The following NOVA1 variants were observed in gnomAD, a reference collection of about 807,000 sequenced individuals.
NOVA1 encodes the protein NOVA alternative splicing regulator 1, also known as RNA-binding protein Nova-1.
NOVA1 carries 7 observed loss-of-function variants against 38.0 expected under a neutral mutation model. That is an observed-to-expected ratio of 0.18 (90% CI 0.10 to 0.35). NOVA1 has a LOEUF of 0.35. Ranked by LOEUF, NOVA1 falls within the 10% of genes least tolerant of loss-of-function variation. The pLI is 1.00. For missense variants in NOVA1, 460 were observed against 616.0 expected (o/e 0.75, Z 2.68); for synonymous variants, 270 against 232.5 (o/e 1.16, Z -1.47).
At chr14:26,532,514 G>A (rs1889789843) in intron 2 of NOVA1, among the ~76,000 whole-genome samples, 1 of 152,156 alleles carries the variant, frequency 6.6e-6, no homozygotes, top group Non-Finnish European at 1.5e-5. Flanking sequence ...GATTGCCTAT[G>A]GCAGGAGGGG....
intron 2 of NOVA1, among the ~76,000 whole-genome samples, chr14:26,529,618 G>A (rs1889556697): frequency 6.6e-6 from 1 of 152,180 alleles, no homozygotes; most frequent in South Asian, 2.1e-4. Context: ...TGATCCTCTG[G>A]AAAATGAGAG....
intron 2 of NOVA1, among the ~76,000 whole-genome samples, chr14:26,579,999 A>C (rs1054329619): frequency 1.3e-5 from 2 of 152,086 alleles, no homozygotes; most frequent in Non-Finnish European, 2.9e-5. Flanking sequence ...GGTTCAAGCA[A>C]TTCTACCATC....
chr14:26,453,208 G>GTATGTATTTATT (rs796387130), intron 4 of NOVA1, among the ~76,000 whole-genome samples: 1,485 of 125,426 alleles, frequency 0.012, 6 homozygotes, highest in African/African-American at 0.013. Flanking sequence ...ATGTATGTAT[G>GTATGTATTTATT]TATTTATTTA....
chr14:26,535,911 A>G (rs1413725209), intron 2 of NOVA1, among the ~76,000 whole-genome samples: 2 of 151,600 alleles, frequency 1.3e-5, no homozygotes, highest in African/African-American at 4.9e-5. Context: ...CCTGGGAGGC[A>G]GAGCTTGCAG....
At chr14:26,496,396 C>A (rs1224678609) in intron 2 of NOVA1, among the ~76,000 whole-genome samples, 5 of 152,074 alleles carry the variant, frequency 3.3e-5, no homozygotes, top group Non-Finnish European at 7.3e-5. Context: ...GATATTAGCC[C>A]TTTGTCAGAT....
At chr14:26,595,145 T>A (rs1303846576) in intron 2 of NOVA1, among the ~76,000 whole-genome samples, 2 of 152,160 alleles carry the variant, frequency 1.3e-5, no homozygotes, top group African/African-American at 4.8e-5. Flanking sequence ...TTTTTGAGTT[T>A]TTTTGCTAAT....
intron 4 of NOVA1, among the ~76,000 whole-genome samples, chr14:26,455,549 G>C (rs1883096219): frequency 6.6e-6 from 1 of 151,860 alleles, no homozygotes; most frequent in Non-Finnish European, 1.5e-5. Flanking sequence ...ACTCCCCACT[G>C]AATTACCCAG....
chr14:26,525,119 A>G (rs1182971821), intron 2 of NOVA1, among the ~76,000 whole-genome samples: 2 of 152,170 alleles, frequency 1.3e-5, no homozygotes, highest in African/African-American at 2.4e-5. Context: ...GACCAGCTTA[A>G]TTTTGTTAAA....
chr14:26,482,423 T>C (rs982128440), intron 2 of NOVA1, among the ~76,000 whole-genome samples: 7 of 152,084 alleles, frequency 4.6e-5, no homozygotes, highest in Non-Finnish European at 7.4e-5. Flanking sequence ...AAAACCGTAA[T>C]TTTTAGGAGA....
intron 2 of NOVA1, among the ~76,000 whole-genome samples, chr14:26,527,165 A>C (rs1186363005): frequency 1.0e-5 from 1 of 98,762 alleles, no homozygotes; most frequent in African/African-American, 4.0e-5. Flanking sequence ...TTCCCTGGAA[A>C]ACACCCCCAA....
At chr14:26,476,867 C>T (rs1427066183) in intron 3 of NOVA1, among the ~76,000 whole-genome samples, 1 of 151,480 alleles carries the variant, frequency 6.6e-6, no homozygotes, top group Non-Finnish European at 1.5e-5. Context: ...AGGCATGCGC[C>T]ACCACACCCG....
intron 2 of NOVA1, among the ~76,000 whole-genome samples, chr14:26,524,367 C>A (rs1163083137): frequency 6.6e-6 from 1 of 152,060 alleles, no homozygotes; most frequent in Non-Finnish European, 1.5e-5. Context: ...TTTGTGGATG[C>A]AGGCAAAAGA....
chr14:26,509,511 G>A (rs553684379), intron 2 of NOVA1, among the ~76,000 whole-genome samples: 92 of 152,232 alleles, frequency 6.0e-4, no homozygotes, highest in African/African-American at 2.1e-3. Flanking sequence ...TTAGATCATT[G>A]TAATGCGATT....
At chr14:26,504,864 G>A (rs531402647) in intron 2 of NOVA1, among the ~76,000 whole-genome samples, 3 of 152,170 alleles carry the variant, frequency 2.0e-5, no homozygotes, top group Non-Finnish European at 4.4e-5. Context: ...TCTAGAGGAA[G>A]AGATAGGGTG....
chr14:26,543,271 AAAAT>A (rs374300567), intron 2 of NOVA1, among the ~76,000 whole-genome samples: 1,551 of 152,138 alleles, frequency 0.01, 25 homozygotes, highest in African/African-American at 0.035. Context: ...AACAAGGAGA[AAAAT>A]AAATAAGGAG....
chr14:26,581,740 A>G lies in NOVA1; in HGVS notation c.280+13670T>C, dbSNP rs573684795. On this transcript the variant is annotated intron_variant, in intron 2 of 4. Transcript: ENST00000539517. ...TGATGGGCAAATGTGGCAGTTTGAT[A>G]AATCTTACTTAAATTTTGAATACTC... Among the ~76,000 whole-genome samples, 11 of 152,048 alleles carry G rather than the reference A, an allele frequency of 7.2e-5. No homozygotes were observed. In the East Asian group the frequency reaches 2.1e-3, roughly 29 times the overall value.
chr14:26,547,928 GT>G (rs2138627578), intron 2 of NOVA1, among the ~76,000 whole-genome samples: 1 of 152,112 alleles, frequency 6.6e-6, no homozygotes, highest in African/African-American at 2.4e-5. Flanking sequence ...TACAATATGA[GT>G]TTTTGGTAAC....
intron 2 of NOVA1, among the ~76,000 whole-genome samples, 155 bp downstream of exon 2, chr14:26,595,255 A>G (rs61988065): frequency 0.041 from 6,210 of 152,264 alleles, 186 homozygotes; most frequent in South Asian, 0.099. Context: ...AATAGAAATA[A>G]TCTGAAAATT....
intron 2 of NOVA1, chr14:26,594,441 G>A (rs1894050749): frequency 6.6e-6 from 1 of 151,576 alleles, no homozygotes. Flanking sequence ...TTTCCACCAG[G>A]AAGAAAAAAA....
Sources: allele counts gnomAD v4.1 joint callset (sites outside exome capture counted in the v4.1 genomes callset), GRCh38; gene constraint gnomAD v4.1.1; transcripts MANE v1.5; gene names NCBI Gene and HGNC (gene_info 2026-07-23, HGNC 2026-07-21).